The following RERE variants were observed in gnomAD, a reference collection of about 807,000 sequenced individuals.
RERE encodes the protein arginine-glutamic acid dipeptide repeats.
RERE carries 40 observed loss-of-function variants against 146.1 expected under a neutral mutation model. That is an observed-to-expected ratio of 0.27 (90% CI 0.21 to 0.36). RERE has a LOEUF of 0.36. RERE is among the 10% of genes least tolerant of loss of function. RERE has a pLI of 1.00. For synonymous variants in RERE, 1,003 were observed against 866.0 expected (o/e 1.16, Z -2.78); for missense variants, 1,933 against 2,138.7 (o/e 0.90, Z 1.90).
intron 10 of RERE, among the ~76,000 whole-genome samples, chr1:8,489,745 T>C (rs1644951419): frequency 6.6e-6 from 1 of 152,126 alleles, no homozygotes; most frequent in Non-Finnish European, 1.5e-5. Flanking sequence ...GGAATCTAAA[T>C]TGGAACCACT....
intron 1 of RERE, among the ~76,000 whole-genome samples, chr1:8,816,036 G>C (rs994431371): frequency 6.6e-6 from 1 of 152,050 alleles, no homozygotes; most frequent in African/African-American, 2.4e-5. Context: ...ACCCAAAGAT[G>C]ATTTTATTAT....
chr1:8,414,511 G>A (rs1287274740), intron 12 of RERE, among the ~76,000 whole-genome samples: 7 of 152,036 alleles, frequency 4.6e-5, no homozygotes, highest in Admixed American at 2.0e-4. Flanking sequence ...AGCTGAGATC[G>A]CGCCACTGCA....
chr1:8,777,771 G>A (rs916267506), intron 1 of RERE, among the ~76,000 whole-genome samples: 3 of 151,396 alleles, frequency 2.0e-5, no homozygotes, highest in African/African-American at 4.9e-5. Flanking sequence ...TCCTGACCTC[G>A]TGATCCACCT....
At chr1:8,459,847 A>C (rs1644503722) in intron 11 of RERE, among the ~76,000 whole-genome samples, 1 of 152,232 alleles carries the variant, frequency 6.6e-6, no homozygotes, top group Admixed American at 6.5e-5. Flanking sequence ...TAGATGACCT[A>C]CAAGACTCTC....
chr1:8,575,534 A>T (rs1014452509), intron 4 of RERE, among the ~76,000 whole-genome samples: 8 of 114,074 alleles, frequency 7.0e-5, no homozygotes, highest in Non-Finnish European at 1.2e-4. Context: ...TGGCTAATTT[A>T]ATATATATAT....
chr1:8,459,256 A>C (rs1318455871), intron 11 of RERE, among the ~76,000 whole-genome samples: 1 of 152,210 alleles, frequency 6.6e-6, no homozygotes, highest in Non-Finnish European at 1.5e-5. Context: ...GCTAATTCTC[A>C]CTATAGGTCA....
Position 8,545,982 on chromosome 1 carries a change from CTTTTTTTTTT to C in RERE, c.726-4674_726-4665del, listed in dbSNP as rs3050828. On this transcript the variant is annotated intron_variant, in intron 6 of 22. Transcript: ENST00000400908. Reference sequence around the variant, plus strand: ...ACAGGTGCAAGCTACCATACCCAGTCTTTTTTTTTTTTTTTTTTTTTTTTTGAGATAGGGT... The same window carrying C: ...ACAGGTGCAAGCTACCATACCCAGTCTTTTTTTTTTTTTTTGAGATAGGGT... 4.0e-3 allele frequency among the ~76,000 whole-genome samples: 277 copies of C among 69,484 alleles called. 2 individuals are homozygous for C. Among genetic ancestry groups the C allele is most frequent in the African/African-American group, 0.016 (267 of 16,704 alleles). The allele number at this position is 69,484 out of a possible 152,430, so 45.6% of individuals were successfully genotyped here. A position where few individuals can be genotyped will look rare whatever the true frequency, so the allele number is the denominator to read the frequency against.
chr1:8,540,423 T>C (rs1645786253), intron 7 of RERE, among the ~76,000 whole-genome samples: 1 of 152,190 alleles, frequency 6.6e-6, no homozygotes, highest in East Asian at 1.9e-4. Context: ...GGGGATGTTT[T>C]ATTTCCTTCT....
At chr1:8,608,366 A>C (rs1646748390) in intron 4 of RERE, among the ~76,000 whole-genome samples, 1 of 152,104 alleles carries the variant, frequency 6.6e-6, no homozygotes, top group Non-Finnish European at 1.5e-5. Context: ...TTTAAATTTT[A>C]GGTAGCATAC....
intron 3 of RERE, among the ~76,000 whole-genome samples, chr1:8,615,429 GA>G (rs1165448618): frequency 2.6e-5 from 4 of 151,576 alleles, no homozygotes; most frequent in Non-Finnish European, 5.9e-5. Context: ...TAAAAACCAG[GA>G]AAAAAAAGAC....
At position 8,423,747 on chromosome 1, in the gene RERE, C is replaced by A; in HGVS notation, c.1204-940G>T. 5 of 959,048 alleles carry A rather than the reference C, an allele frequency of 5.2e-6. No individual in the cohort carries two copies. The highest frequency in any genetic ancestry group is 6.2e-6 in the Non-Finnish European group (5 of 808,936). 59.4% of individuals were successfully genotyped at this position (959,048 alleles called of 1,614,324 possible). On this transcript the variant is annotated intron_variant, in intron 11 of 22. Coordinates refer to ENST00000400908, the MANE Select transcript of RERE (RefSeq NM_001042681.2). This position sits in a 1 kb window ranked among gnomAD's most constrained non-coding sequence, Gnocchi z 5.4. ...GCCGCGCGGCGCGGGGCCCGGGGGG[C>A]GCGGGGCTGGGGCCGCCGCTGACGG...
chr1:8,483,200 C>T (rs1157085370), intron 10 of RERE, among the ~76,000 whole-genome samples: 1 of 152,204 alleles, frequency 6.6e-6, no homozygotes, highest in Non-Finnish European at 1.5e-5. Context: ...AACATCTTAC[C>T]TTAACCCAAG....
At chr1:8,497,261 C>G (rs1393242359) in intron 9 of RERE, 144 bp downstream of exon 9, 4 of 712,988 alleles carry the variant, frequency 5.6e-6, no homozygotes, top group Middle Eastern at 3.6e-4. Context: ...AGCCAGGGTC[C>G]CGATTACAGA....
chr1:8,525,859 C>G (rs566586421), intron 7 of RERE: 21 of 1,488,906 alleles, frequency 1.4e-5, no homozygotes, highest in Non-Finnish European at 1.7e-5. Context: ...CCCTTTTCTA[C>G]ACTAACAACT....
intron 1 of RERE, among the ~76,000 whole-genome samples, chr1:8,720,625 C>G (rs929396691): frequency 6.6e-6 from 1 of 152,024 alleles, no homozygotes; most frequent in Non-Finnish European, 1.5e-5. Context: ...CGGCAACGGA[C>G]GAGTCGAGTC....
intron 4 of RERE, among the ~76,000 whole-genome samples, chr1:8,607,530 A>ATATTTTT (rs1646732034): frequency 3.5e-5 from 2 of 57,598 alleles, no homozygotes; most frequent in East Asian, 9.6e-4. Context: ...TTTTATATAT[A>ATATTTTT]TTTCTTTTTT....
intron 1 of RERE, among the ~76,000 whole-genome samples, chr1:8,791,787 T>G (rs1022923810): frequency 6.6e-6 from 1 of 152,186 alleles, no homozygotes; most frequent in African/African-American, 2.4e-5. Context: ...GGAGAGGCAG[T>G]AGACATTAGT....
intron 11 of RERE, among the ~76,000 whole-genome samples, chr1:8,439,578 A>G (rs755541812): frequency 6.6e-6 from 1 of 152,356 alleles, no homozygotes; most frequent in Admixed American, 6.5e-5. Context: ...TTTGAAACAC[A>G]ATCTGGAGGC....
rs1479938140 is a variant in RERE, at chr1:8,536,951, C to G, written c.830+4263G>C. ...AGTGGAGCGGCTCATACCTGTACTCCCAGCACTTTGGGAAGCTGAGGAGGG... is the reference window on the plus strand; with the variant it reads ...AGTGGAGCGGCTCATACCTGTACTCGCAGCACTTTGGGAAGCTGAGGAGGG... On this transcript the variant is annotated intron_variant, in intron 7 of 22. Transcript: ENST00000400908. Among the ~76,000 whole-genome samples, 3 of 152,132 alleles carry G rather than the reference C, an allele frequency of 2.0e-5. 1 individual carries two copies. The highest frequency in any genetic ancestry group is 2.0e-4 in the Admixed American group (3 of 15,258).
Sources: allele counts gnomAD v4.1 joint callset (sites outside exome capture counted in the v4.1 genomes callset), GRCh38; gene constraint gnomAD v4.1.1; non-coding constraint Gnocchi (gnomAD v3.1); transcripts MANE v1.5; gene names NCBI Gene and HGNC (gene_info 2026-07-23, HGNC 2026-07-21).